The following INSR variants were observed in gnomAD, a reference collection of about 807,000 sequenced individuals.
INSR encodes IR.
A neutral mutation model predicts 142.6 loss-of-function variants in INSR; 67 were observed. The observed-to-expected ratio is 0.47, with a 90% CI of 0.39 to 0.58. INSR has a LOEUF of 0.58. INSR is among the 20% of genes least tolerant of loss of function. The pLI is 0.00. For synonymous variants in INSR, 756 were observed against 743.1 expected (o/e 1.02, Z -0.28); for missense variants, 1,248 against 1,833.2 (o/e 0.68, Z 5.83).
chr19:7,287,473 T>G (rs572989003), intron 1 of INSR, among the ~76,000 whole-genome samples: 4 of 152,196 alleles, frequency 2.6e-5, no homozygotes, highest in African/African-American at 9.6e-5. Context: ...AGAAGTATTC[T>G]TAACAGAAAT....
chr19:7,273,989 T>C (rs1967992940), intron 1 of INSR, among the ~76,000 whole-genome samples: 1 of 151,418 alleles, frequency 6.6e-6, no homozygotes, highest in African/African-American at 2.4e-5. Flanking sequence ...CAAGACTCCA[T>C]CTCAAAATAA....
intron 21 of INSR, among the ~76,000 whole-genome samples, chr19:7,118,927 A>C (rs1022139653): frequency 3.3e-5 from 5 of 151,200 alleles, no homozygotes; most frequent in African/African-American, 1.2e-4. Context: ...AAAAAAAAAA[A>C]AAAAAAAAAA....
intron 2 of INSR, among the ~76,000 whole-genome samples, chr19:7,188,677 C>T (rs1223823841): frequency 2.0e-5 from 3 of 151,912 alleles, no homozygotes; most frequent in East Asian, 3.9e-4. Context: ...TTCAAGACGA[C>T]CAGCCTGACC....
At chr19:7,140,869 C>T (rs578117168) in intron 13 of INSR, among the ~76,000 whole-genome samples, 3 of 149,476 alleles carry the variant, frequency 2.0e-5, no homozygotes, top group South Asian at 4.2e-4. Flanking sequence ...CTCTGTGTAA[C>T]GTGCTGAATG....
chr19:7,193,745 A>G lies in INSR; in HGVS notation c.653-9108T>C, dbSNP rs917223275. On this transcript the variant is annotated intron_variant, in intron 2 of 21. Coordinates refer to ENST00000302850, the MANE Select transcript of INSR (RefSeq NM_000208.4). The stretch of plus-strand genomic sequence containing the variant: ...CACTCTGTCGCCCAGGCTGGAGTGC[A>G]GTGGCATGATCTTGGTTCACCGTAA... Among the ~76,000 whole-genome samples, 3 of 151,982 alleles carry G rather than the reference A, an allele frequency of 2.0e-5. No individual in the cohort carries two copies. In the East Asian group the frequency reaches 5.8e-4, roughly 29 times the overall value.
At chr19:7,199,070 G>C (rs1249485321) in intron 2 of INSR, among the ~76,000 whole-genome samples, 4 of 151,846 alleles carry the variant, frequency 2.6e-5, no homozygotes, top group African/African-American at 7.3e-5. Context: ...TTTTTTTGTA[G>C]ACATGGGGAC....
chr19:7,254,008 G>T (rs1277256918), intron 2 of INSR, among the ~76,000 whole-genome samples: 1 of 138,398 alleles, frequency 7.2e-6, no homozygotes, highest in East Asian at 2.1e-4. Context: ...CAGCCTGGGT[G>T]ACAGAGCGAA....
At chr19:7,243,956 G>A (rs533563552) in intron 2 of INSR, among the ~76,000 whole-genome samples, 33 of 152,258 alleles carry the variant, frequency 2.2e-4, no homozygotes, top group Non-Finnish European at 2.8e-4. Flanking sequence ...ATTTAAAACC[G>A]AAACAAGAGG....
At chr19:7,264,819 T>TCCCA (rs1030521914) in intron 2 of INSR, among the ~76,000 whole-genome samples, 11 of 152,278 alleles carry the variant, frequency 7.2e-5, no homozygotes, top group South Asian at 2.1e-4. Flanking sequence ...CGGTCCCCTC[T>TCCCA]CCCACCACCC....
intron 1 of INSR, among the ~76,000 whole-genome samples, chr19:7,276,168 C>CA (rs1319343026): frequency 1.3e-5 from 2 of 151,700 alleles, no homozygotes; most frequent in Admixed American, 6.6e-5. Flanking sequence ...TTTTTTGAGA[C>CA]AGAGTCTTGC....
chr19:7,222,995 C>G (rs1245398851), intron 2 of INSR, among the ~76,000 whole-genome samples: 1 of 152,126 alleles, frequency 6.6e-6, no homozygotes, highest in Non-Finnish European at 1.5e-5. Flanking sequence ...CCAGCCTGGC[C>G]AGCATGGCAA....
chr19:7,114,075 G>A lies in INSR; in HGVS notation c.*2981C>T, dbSNP rs920051173. 7.1e-6 allele frequency: 1 copy of A among 140,872 alleles called. No homozygotes were observed. Among genetic ancestry groups the A allele is most frequent in the South Asian group, 2.2e-4 (1 of 4,532 alleles). 8.7% of individuals were successfully genotyped at this position (140,872 alleles called of 1,614,324 possible). On this transcript the variant is annotated 3_prime_UTR_variant, in exon 22 of 22. Coordinates refer to ENST00000302850, the MANE Select transcript of INSR (RefSeq NM_000208.4). ...AAAAAAAAAAAAAAAAAAAAAAAGC[G>A]TTCAGCACATTAATGGGTTTTGGAT...
intron 2 of INSR, among the ~76,000 whole-genome samples, chr19:7,198,133 G>A (rs1156416067): frequency 6.6e-6 from 1 of 151,900 alleles, no homozygotes; most frequent in Admixed American, 6.6e-5. Flanking sequence ...CCCTCGAGCC[G>A]GAGGCCTCAG....
At chr19:7,128,708 G>T in intron 15 of INSR, 144 bp downstream of exon 15, 2 of 651,366 alleles carry the variant, frequency 3.1e-6, no homozygotes, top group Non-Finnish European at 5.6e-6. Context: ...ATCATATTAT[G>T]ACAATTATCT....
Position 7,116,972 on chromosome 19 carries a change from A to C in INSR, c.*84T>G. 3 of 976,396 alleles carry C rather than the reference A, an allele frequency of 3.1e-6. No individual in the cohort carries two copies. The highest frequency in any genetic ancestry group is 5.0e-6 in the Non-Finnish European group (3 of 600,832). 60.5% of individuals were successfully genotyped at this position (976,396 alleles called of 1,614,324 possible). ...CTCCATTGGACATGGTAGAGTCGTG[A>C]GAATCCTGAGTTTTCCAGAGGCTTT... is the stretch of plus-strand genomic sequence containing the variant. On this transcript the variant is annotated 3_prime_UTR_variant, in exon 22 of 22. Transcript: ENST00000302850.
chr19:7,241,182 T>G (rs1448128169), intron 2 of INSR, among the ~76,000 whole-genome samples: 8 of 92,038 alleles, frequency 8.7e-5, no homozygotes, highest in East Asian at 4.7e-4. Flanking sequence ...ATTTTGTTTT[T>G]TTTTTTTTTT....
chr19:7,178,719 AAAAC>A (rs113438249), intron 3 of INSR, among the ~76,000 whole-genome samples: 6 of 151,936 alleles, frequency 3.9e-5, no homozygotes, highest in South Asian at 2.1e-4. Context: ...ACTCCGTCTC[AAAAC>A]AAACAAACAA....
chr19:7,126,451 G>A (rs899762053), intron 16 of INSR, 133 bp downstream of exon 16: 1 of 811,664 alleles, frequency 1.2e-6, no homozygotes, highest in Non-Finnish European at 2.1e-6. Context: ...GGGCAGTTTG[G>A]CAAGCTCAAA....
chr19:7,198,252 G>A (rs1008298745), intron 2 of INSR, among the ~76,000 whole-genome samples: 1 of 151,332 alleles, frequency 6.6e-6, no homozygotes, highest in African/African-American at 2.4e-5. Context: ...GTGCTGCAGG[G>A]GCGCTGGCCC....
Sources: gnomAD v4.1 joint callset for allele counts (sites outside exome capture counted in the v4.1 genomes callset) on GRCh38, gnomAD v4.1.1 for gene constraint, MANE v1.5 for transcripts, NCBI Gene and HGNC (gene_info 2026-07-23, HGNC 2026-07-21) for gene names.